The following NRXN3 variants were observed in gnomAD, a reference collection of about 807,000 sequenced individuals.
NRXN3 encodes the protein neurexin III.
NRXN3 carries 32 observed loss-of-function variants against 137.6 expected under a neutral mutation model. The observed-to-expected ratio is 0.23, with a 90% confidence interval of 0.18 to 0.31. NRXN3 has a LOEUF of 0.31. Among genes scored for constraint, NRXN3 ranks in the 10% least tolerant of loss-of-function variants. The probability of loss-of-function intolerance (pLI) is 1.00; values close to 1 mark genes in which losing one functional copy is unlikely to be tolerated. For synonymous variants in NRXN3, 798 were observed against 784.5 expected, an observed-to-expected ratio of 1.02 and a Z score of -0.29; for missense variants, 1,574 against 2,062.5, an observed-to-expected ratio of 0.76 and a Z score of 4.59.
intron 15 of NRXN3, among the ~76,000 whole-genome samples, chr14:79,216,825 G>C (rs1041145855): frequency 6.6e-6 from 1 of 152,066 alleles, no homozygotes; most frequent in Non-Finnish European, 1.5e-5. Flanking sequence ...AACACCTGAG[G>C]CTCGATAATT....
At chr14:79,540,713 G>A (rs1466987052) in intron 16 of NRXN3, among the ~76,000 whole-genome samples, 4 of 152,166 alleles carry the variant, frequency 2.6e-5, no homozygotes. Flanking sequence ...GATTGAGGGA[G>A]GTTCAAGAAG....
intron 4 of NRXN3, among the ~76,000 whole-genome samples, chr14:78,619,885 C>T (rs1048104328): frequency 1.3e-5 from 2 of 152,098 alleles, no homozygotes; most frequent in African/African-American, 4.8e-5. Flanking sequence ...AGAGTCTTCC[C>T]TTTTTCTCGG....
At chr14:79,826,382 TACTC>T (rs1179261540) in intron 20 of NRXN3, among the ~76,000 whole-genome samples, 4 of 152,198 alleles carry the variant, frequency 2.6e-5, no homozygotes, top group South Asian at 2.1e-4. Context: ...GTTATGTCCT[TACTC>T]AGGTTCACCA....
intron 19 of NRXN3, among the ~76,000 whole-genome samples, chr14:79,768,617 A>G (rs968552673): frequency 1.7e-4 from 26 of 152,292 alleles, no homozygotes; most frequent in Admixed American, 3.9e-4. Flanking sequence ...CCAAAAACCC[A>G]TCTGTACATC....
At chr14:79,016,532 G>A (rs1017330103) in intron 15 of NRXN3, among the ~76,000 whole-genome samples, 12 of 152,168 alleles carry the variant, frequency 7.9e-5, no homozygotes, top group Non-Finnish European at 1.2e-4. Flanking sequence ...CGGTGGTAAC[G>A]ATAGACATGG....
chr14:79,612,337 G>A (rs1015773157), intron 16 of NRXN3, among the ~76,000 whole-genome samples: 5 of 152,166 alleles, frequency 3.3e-5, no homozygotes, highest in African/African-American at 9.7e-5. Flanking sequence ...AGCTGGTCGG[G>A]TGTCTCTGGC....
At chr14:78,599,325 G>A (rs965257950) in intron 4 of NRXN3, among the ~76,000 whole-genome samples, 5 of 152,228 alleles carry the variant, frequency 3.3e-5, no homozygotes, top group Admixed American at 2.6e-4. Context: ...TGCTGGCAAA[G>A]CTATTGAGGG....
intron 15 of NRXN3, among the ~76,000 whole-genome samples, chr14:79,198,388 A>G (rs976494005): frequency 2.7e-4 from 41 of 152,236 alleles, no homozygotes; most frequent in African/African-American, 8.4e-4. Flanking sequence ...GGAACAGCCA[A>G]GGACAATCTG....
intron 4 of NRXN3, among the ~76,000 whole-genome samples, chr14:78,425,852 G>A (rs1307348094): frequency 3.3e-5 from 5 of 152,204 alleles, no homozygotes; most frequent in African/African-American, 9.6e-5. Context: ...AGGAACTGCA[G>A]CACCTAATTA....
chr14:79,389,311 A>G (rs1599593025), intron 15 of NRXN3, among the ~76,000 whole-genome samples: 1 of 152,216 alleles, frequency 6.6e-6, no homozygotes, highest in African/African-American at 2.4e-5. Context: ...CTATGATGAA[A>G]GGTGGAAAAC....
chr14:79,162,242 C>A (rs1484299969), intron 15 of NRXN3, among the ~76,000 whole-genome samples: 2 of 150,946 alleles, frequency 1.3e-5, no homozygotes, highest in Non-Finnish European at 3.0e-5. Context: ...GCTGCACCCA[C>A]TAACTCGTCA....
At chr14:78,578,094 A>T (rs2152343365) in intron 4 of NRXN3, among the ~76,000 whole-genome samples, 1 of 152,330 alleles carries the variant, frequency 6.6e-6, no homozygotes. Context: ...TGCATAAATT[A>T]CCATGACTTC....
At chr14:78,301,914 T>G (rs2076912547) in intron 4 of NRXN3, among the ~76,000 whole-genome samples, 1 of 152,216 alleles carries the variant, frequency 6.6e-6, no homozygotes, top group African/African-American at 2.4e-5. Context: ...CTCAGAAATC[T>G]GTCATGGGGA....
At chr14:79,052,566 G>A (rs1214108092) in intron 15 of NRXN3, among the ~76,000 whole-genome samples, 1 of 152,204 alleles carries the variant, frequency 6.6e-6, no homozygotes, top group Admixed American at 6.5e-5. Context: ...TGTCACCAGT[G>A]TTAGAGATGA....
intron 4 of NRXN3, among the ~76,000 whole-genome samples, chr14:78,551,736 T>A (rs2096692296): frequency 6.7e-6 from 1 of 150,260 alleles, no homozygotes; most frequent in South Asian, 2.2e-4. Flanking sequence ...CTCTCCTCTT[T>A]CATCTCCCTT....
At chr14:78,594,224 C>T (rs2152414773) in intron 4 of NRXN3, among the ~76,000 whole-genome samples, 1 of 152,308 alleles carries the variant, frequency 6.6e-6, no homozygotes, top group East Asian at 1.9e-4. Flanking sequence ...GAGGGCGTGC[C>T]TCCTCGGCAA....
At chr14:79,427,405 C>T (rs2095670189) in intron 15 of NRXN3, among the ~76,000 whole-genome samples, 1 of 152,132 alleles carries the variant, frequency 6.6e-6, no homozygotes, top group Non-Finnish European at 1.5e-5. Flanking sequence ...TTTTACTCTT[C>T]CCATTCTACT....
Position 78,818,529 on chromosome 14 carries a change from A to G in NRXN3, c.2275+8185A>G, listed in dbSNP as rs542172928. On this transcript the variant is annotated intron_variant, in intron 10 of 20. Coordinates refer to ENST00000335750, the MANE Select transcript of NRXN3 (RefSeq NM_001330195.2). ...TTAACCTAATAATCTAAAGGAATAT[A>G]TATTACTTTCTCTGTAAAATAAGAG... Among the ~76,000 whole-genome samples, 8 of 152,284 alleles carry G rather than the reference A, an allele frequency of 5.3e-5. No individual in the cohort carries two copies. In the South Asian group the frequency reaches 1.0e-3, roughly 20 times the overall value.
At chr14:78,921,248 C>T (rs1441686911) in intron 10 of NRXN3, among the ~76,000 whole-genome samples, 1 of 152,218 alleles carries the variant, frequency 6.6e-6, no homozygotes, top group Non-Finnish European at 1.5e-5. Flanking sequence ...ACACTACACA[C>T]AGCCATATGC....
Sources: gnomAD v4.1 joint callset for allele counts (sites outside exome capture counted in the v4.1 genomes callset) on GRCh38, gnomAD v4.1.1 for gene constraint, MANE v1.5 for transcripts, NCBI Gene and HGNC (gene_info 2026-07-23, HGNC 2026-07-21) for gene names.